The following NEK10 variants were observed in gnomAD, a reference collection of about 807,000 sequenced individuals.
NEK10 encodes serine/threonine-protein kinase Nek10.
A neutral mutation model predicts 159.8 loss-of-function variants in NEK10; 122 were observed. The ratio of observed to expected loss-of-function variants is 0.76; its 90% confidence interval spans 0.66 to 0.89. The LOEUF is 0.89. Among genes scored for constraint, NEK10 ranks in the 40% least tolerant of loss-of-function variants. The probability of loss-of-function intolerance (pLI) is 0.00; values close to 1 mark genes in which losing one functional copy is unlikely to be tolerated. For missense variants in NEK10, 1,342 were observed against 1,323.1 expected (o/e 1.01, Z -0.22); for synonymous variants, 466 against 457.1 (o/e 1.02, Z -0.25).
chr3:27,206,695 C>T, intron 23 of NEK10: 1 of 923,116 alleles, frequency 1.1e-6, no homozygotes, highest in Non-Finnish European at 1.3e-6. Flanking sequence ...GGCTCTGTTA[C>T]AAACCACTGA....
At chr3:27,220,819 T>C (rs929353784) in intron 23 of NEK10, among the ~76,000 whole-genome samples, 1 of 152,154 alleles carries the variant, frequency 6.6e-6, no homozygotes, top group African/African-American at 2.4e-5. Context: ...CATAAGGATA[T>C]GCATATAGAT....
At chr3:27,342,633 A>G (rs962510471) in intron 5 of NEK10, among the ~76,000 whole-genome samples, 2 of 152,158 alleles carry the variant, frequency 1.3e-5, no homozygotes, top group Non-Finnish European at 2.9e-5. Context: ...AAGAATTTTT[A>G]AACACCCTGA....
intron 23 of NEK10, among the ~76,000 whole-genome samples, chr3:27,219,235 G>A (rs987143180): frequency 6.6e-6 from 1 of 152,220 alleles, no homozygotes; most frequent in Non-Finnish European, 1.5e-5. Flanking sequence ...GTTTCCATGG[G>A]AGGGTGCAGC....
chr3:27,146,738 T>C (rs534179256), intron 30 of NEK10, among the ~76,000 whole-genome samples: 1 of 152,192 alleles, frequency 6.6e-6, no homozygotes. Context: ...CAAATTCAAA[T>C]GTTAATTTGA....
chr3:27,191,713 T>C (rs989039104), intron 26 of NEK10, among the ~76,000 whole-genome samples: 16 of 152,194 alleles, frequency 1.1e-4, no homozygotes, highest in African/African-American at 3.6e-4. Context: ...TGCAGTCAGA[T>C]TGCTGAAGAA....
intron 25 of NEK10, among the ~76,000 whole-genome samples, chr3:27,200,305 A>C (rs1465697816): frequency 6.6e-6 from 1 of 152,170 alleles, no homozygotes; most frequent in African/African-American, 2.4e-5. Context: ...GATGGGGCTA[A>C]GTGCTAGTAT....
At chr3:27,293,469 A>G (rs757864426) in intron 16 of NEK10, 119 bp downstream of exon 16, 1 of 520,520 alleles carries the variant, frequency 1.9e-6, no homozygotes, top group South Asian at 3.4e-5. Context: ...CTGAAGACAC[A>G]TGGTTTGCAT....
intron 5 of NEK10, among the ~76,000 whole-genome samples, chr3:27,333,799 C>A (rs1428261825): frequency 6.6e-6 from 1 of 152,132 alleles, no homozygotes; most frequent in East Asian, 1.9e-4. Context: ...AGTGCTGGGA[C>A]AGAGGTGCAA....
At chr3:27,343,092 A>C (rs142166935) in intron 5 of NEK10, among the ~76,000 whole-genome samples, 55 of 152,328 alleles carry the variant, frequency 3.6e-4, no homozygotes, top group African/African-American at 1.3e-3. Flanking sequence ...GGCTTCTTGT[A>C]TCATCTGAGC....
At chr3:27,219,673 A>G (rs1385036026) in intron 23 of NEK10, among the ~76,000 whole-genome samples, 1 of 152,214 alleles carries the variant, frequency 6.6e-6, no homozygotes, top group Non-Finnish European at 1.5e-5. Context: ...GGAATAAGAC[A>G]AGGAAGTCTG....
intron 30 of NEK10, among the ~76,000 whole-genome samples, chr3:27,145,078 C>T (rs1018378229): frequency 6.6e-6 from 1 of 151,942 alleles, no homozygotes; most frequent in Non-Finnish European, 1.5e-5. Flanking sequence ...AACATTCTCT[C>T]TCAGTATATC....
rs368785945 is a variant in NEK10 at position 27,192,216 on chromosome 3, C to T, written c.2318G>A (p.Arg773His). Residue 773 changes from arginine (R) to histidine (H), a missense_variant, in exon 26 of 36, where the codon CGT (arginine) becomes CAT (histidine). Coordinates refer to ENST00000691995, the MANE Select transcript of NEK10 (RefSeq NM_001394966.1). Reference sequence around the variant, plus strand: ...CGAACTGACTTCTACAATATCTGGACGAGCTTCCGCATCAGGAGTGAGGCA... The same window carrying T: ...CGAACTGACTTCTACAATATCTGGATGAGCTTCCGCATCAGGAGTGAGGCA... ...SRCLTPDAEA[R>H]PDIVEVSSMI... 11 of 1,613,902 alleles carry T rather than the reference C, an allele frequency of 6.8e-6. No homozygotes were observed. Among genetic ancestry groups the T allele is most frequent in the Admixed American group, 3.3e-5 (2 of 60,008 alleles).
At chr3:27,219,019 T>A (rs1468311609) in intron 23 of NEK10, among the ~76,000 whole-genome samples, 1 of 152,218 alleles carries the variant, frequency 6.6e-6, no homozygotes, top group African/African-American at 2.4e-5. Context: ...TTTTCCACAC[T>A]CTCCACCTTT....
chr3:27,208,233 G>A (rs1417086917), intron 23 of NEK10, among the ~76,000 whole-genome samples: 1 of 152,134 alleles, frequency 6.6e-6, no homozygotes, highest in East Asian at 1.9e-4. Context: ...AAATCTCGGT[G>A]CATTTTCTGG....
At chr3:27,123,961 AG>A (rs780762444) in intron 32 of NEK10, among the ~76,000 whole-genome samples, 1 of 152,024 alleles carries the variant, frequency 6.6e-6, no homozygotes, top group Non-Finnish European at 1.5e-5. Context: ...GAAGGGCAGG[AG>A]TTAGACCTGA....
chr3:27,179,839 A>G (rs922508597), intron 26 of NEK10, among the ~76,000 whole-genome samples: 4 of 152,178 alleles, frequency 2.6e-5, no homozygotes, highest in African/African-American at 4.8e-5. Flanking sequence ...CTAGCACTTC[A>G]GGAGGCTGAG....
chr3:27,303,318 T>C (rs1472964362), intron 12 of NEK10, among the ~76,000 whole-genome samples: 1 of 152,156 alleles, frequency 6.6e-6, no homozygotes, highest in Non-Finnish European at 1.5e-5. Flanking sequence ...GCAGGTTTTG[T>C]CTTTGAAATT....
At chr3:27,232,671 G>C (rs1390441938) in intron 23 of NEK10, among the ~76,000 whole-genome samples, 2 of 151,968 alleles carry the variant, frequency 1.3e-5, no homozygotes, top group Non-Finnish European at 2.9e-5. Flanking sequence ...TATACTACAA[G>C]GCTATAGTTA....
In NEK10 at chr3:27,242,332, T is replaced by C. The variant is rs185946625; in HGVS notation, c.2090+13964A>G. Reference sequence around the variant, plus strand: ...ATAATACTATCTACTTATCAATCGATTGATCAATCTATTGCCATCCATCCA... The same window carrying C: ...ATAATACTATCTACTTATCAATCGACTGATCAATCTATTGCCATCCATCCA... On this transcript the variant is annotated intron_variant, in intron 23 of 35. Coordinates refer to ENST00000691995, the MANE Select transcript of NEK10 (RefSeq NM_001394966.1). Among the ~76,000 whole-genome samples the C allele has an allele frequency of 2.7e-3, 410 of 152,320 alleles. 4 individuals are homozygous for C. The highest frequency in any genetic ancestry group is 9.6e-3 in the African/African-American group (398 of 41,572).
Sources: allele counts gnomAD v4.1 joint callset (sites outside exome capture counted in the v4.1 genomes callset), GRCh38; gene constraint gnomAD v4.1.1; transcripts MANE v1.5; gene names NCBI Gene and HGNC (gene_info 2026-07-23, HGNC 2026-07-21).